The following COPG2 variants were observed in gnomAD, a reference collection of about 807,000 sequenced individuals.
The protein encoded by COPG2 is coatomer subunit gamma-2.
Under a neutral mutation model 46.3 loss-of-function variants are expected in COPG2, and 37 were observed. The ratio of observed to expected loss-of-function variants is 0.80; its 90% CI spans 0.61 to 1.05. COPG2 has a LOEUF of 1.05. Ranked by LOEUF, COPG2 falls within the 50% of genes least tolerant of loss-of-function variation. The pLI, the probability that COPG2 is intolerant of heterozygous loss-of-function variation, is 0.00. For synonymous variants in COPG2, 159 were observed against 129.7 expected, an observed-to-expected ratio of 1.23 and a Z score of -1.53; for missense variants, 427 against 387.8, an observed-to-expected ratio of 1.10 and a Z score of -0.85.
chr7:130,655,581 C>T (rs1554459791), intron 4 of COPG2, among the ~76,000 whole-genome samples: 1 of 152,080 alleles, frequency 6.6e-6, no homozygotes, highest in Non-Finnish European at 1.5e-5. Context: ...TCTCTCCCCG[C>T]CCCTCTTTTT....
chr7:130,543,681 A>C (rs1793380634), intron 20 of COPG2, among the ~76,000 whole-genome samples: 1 of 152,212 alleles, frequency 6.6e-6, no homozygotes, highest in African/African-American at 2.4e-5. Flanking sequence ...AGGACAGATG[A>C]ACAAAGACTG....
At chr7:130,596,937 G>A (rs1056879824) in intron 9 of COPG2, among the ~76,000 whole-genome samples, 30 of 152,212 alleles carry the variant, frequency 2.0e-4, no homozygotes, top group African/African-American at 7.0e-4. Flanking sequence ...ACCGTAAAAT[G>A]CAATACCATC....
intron 9 of COPG2, among the ~76,000 whole-genome samples, chr7:130,587,460 ACTTG>A (rs1263030235): frequency 2.0e-5 from 3 of 152,090 alleles, no homozygotes; most frequent in Non-Finnish European, 4.4e-5. Flanking sequence ...AAAATATAAT[ACTTG>A]CTTTTGAATA....
chr7:130,511,819 C>T, intron 20 of COPG2: 1 of 519,590 alleles, frequency 1.9e-6, no homozygotes, highest in South Asian at 1.4e-5. Context: ...GCAAGGAATT[C>T]AGTAGGAGGC....
intron 20 of COPG2, among the ~76,000 whole-genome samples, chr7:130,530,147 G>C (rs1799810381): frequency 6.6e-6 from 1 of 152,082 alleles, no homozygotes; most frequent in Non-Finnish European, 1.5e-5. Context: ...ACCTGTGTAA[G>C]AAGAAGTCTT....
intron 5 of COPG2, among the ~76,000 whole-genome samples, chr7:130,641,401 C>A (rs117199826): frequency 6.6e-6 from 1 of 151,954 alleles, no homozygotes; most frequent in Non-Finnish European, 1.5e-5. Flanking sequence ...CTAGGGAATA[C>A]CAATATTTAG....
At chr7:130,580,608 T>A (rs1794118627) in intron 9 of COPG2, among the ~76,000 whole-genome samples, 2 of 105,564 alleles carry the variant, frequency 1.9e-5, no homozygotes, top group African/African-American at 4.2e-5. Context: ...GCAAGACTAA[T>A]AAAGAAAAAA....
chr7:130,526,504 G>T (rs1443161522), intron 20 of COPG2, among the ~76,000 whole-genome samples: 3 of 151,992 alleles, frequency 2.0e-5, no homozygotes, highest in Admixed American at 1.3e-4. Flanking sequence ...GCGCAACGGG[G>T]GAGTCACCTA....
intron 1 of COPG2, among the ~76,000 whole-genome samples, chr7:130,668,360 GGAGGGGCTGCGCCGCAA>G (rs1796135321): frequency 6.7e-6 from 1 of 150,296 alleles, no homozygotes; most frequent in Non-Finnish European, 1.5e-5. Context: ...GAGGCGGCTC[GGAGGGGCTGCGCCGCAA>G]GAGGGGCGGG....
At chr7:130,565,029 G>A (rs1272590245) in intron 9 of COPG2, among the ~76,000 whole-genome samples, 1 of 152,190 alleles carries the variant, frequency 6.6e-6, no homozygotes, top group Non-Finnish European at 1.5e-5. Flanking sequence ...AACTTAAAAG[G>A]AAAATTTGAG....
At chr7:130,575,774 G>T (rs1554446135) in intron 9 of COPG2, among the ~76,000 whole-genome samples, 1 of 152,148 alleles carries the variant, frequency 6.6e-6, no homozygotes, top group Non-Finnish European at 1.5e-5. Flanking sequence ...CCACTTAAAA[G>T]ATACAGAACT....
chr7:130,641,435 C>T (rs1554457260), intron 5 of COPG2, among the ~76,000 whole-genome samples: 1 of 152,074 alleles, frequency 6.6e-6, no homozygotes, highest in African/African-American at 2.4e-5. Context: ...GAAAACCAGC[C>T]ACTTCTGAGC....
chr7:130,640,180 T>TTC (rs1491053386), intron 5 of COPG2, among the ~76,000 whole-genome samples: 2 of 125,160 alleles, frequency 1.6e-5, no homozygotes, highest in East Asian at 4.3e-4. Context: ...TTTTTTTTTT[T>TTC]TGTAAACTGT....
intron 5 of COPG2, among the ~76,000 whole-genome samples, chr7:130,648,458 T>A (rs1453088440): frequency 1.3e-5 from 2 of 152,278 alleles, no homozygotes; most frequent in Admixed American, 1.3e-4. Flanking sequence ...TCTCATGGAC[T>A]CAAAAATCTC....
At chr7:130,618,315 T>C (rs1794984346) in intron 5 of COPG2, among the ~76,000 whole-genome samples, 1 of 152,146 alleles carries the variant, frequency 6.6e-6, no homozygotes, top group African/African-American at 2.4e-5. Context: ...CCAAGGACTA[T>C]GAATTTTCCT....
chr7:130,513,341 A>ATATG (rs1215646008), intron 20 of COPG2, among the ~76,000 whole-genome samples: 119 of 51,504 alleles, frequency 2.3e-3, no homozygotes, highest in Middle Eastern at 0.01. Flanking sequence ...ATATATATAT[A>ATATG]TGTGTGTGTG....
chr7:130,507,763 C>G lies in COPG2; in HGVS notation c.2308G>C (p.Ala770Pro), dbSNP rs1457639593. ...HIQKVLKPNFAAAWEEVGDTF... is the reference protein window; with the variant it reads ...HIQKVLKPNFPAAWEEVGDTF... ...TCTCCCACCTCTTCCCAAGCAGCAG[C>G]AAAGTTAGGCTTCAGTACTTTCTGA... is the stretch of plus-strand genomic sequence containing the variant. The change falls in exon 22 of 24, where the codon GCT becomes CCT. Residue 770 changes from alanine to proline, a missense_variant. Physicochemically the swap from Ala to Pro is conservative, Grantham distance 27. Transcript: ENST00000425248. The G allele has an allele frequency of 1.3e-6, 1 of 780,578 alleles. No homozygotes were observed. The highest frequency in any genetic ancestry group is 2.4e-6 in the Non-Finnish European group (1 of 417,876). The allele number at this position is 780,578 out of a possible 1,614,324, so 48.4% of individuals were successfully genotyped here.
At chr7:130,598,018 C>G (rs1176432970) in intron 9 of COPG2, among the ~76,000 whole-genome samples, 2 of 152,100 alleles carry the variant, frequency 1.3e-5, no homozygotes, top group Non-Finnish European at 2.9e-5. Context: ...CAAATGACAC[C>G]CAGGGGGATT....
At chr7:130,513,327 A>ATGTGTGTGTGTGTGTGTG (rs1270078580) in intron 20 of COPG2, among the ~76,000 whole-genome samples, 2,981 of 60,822 alleles carry the variant, frequency 0.049, 111 homozygotes, top group East Asian at 0.064. Context: ...ATATATATAT[A>ATGTGTGTGTGTGTGTGTG]TATATATATA....
Sources: gnomAD v4.1 joint callset for allele counts (sites outside exome capture counted in the v4.1 genomes callset) on GRCh38, gnomAD v4.1.1 for gene constraint, MANE v1.5 for transcripts, NCBI Gene and HGNC (gene_info 2026-07-23, HGNC 2026-07-21) for gene names.